TRAPPC12: variants seen among roughly 807,000 people sequenced by gnomAD.
TRAPPC12 encodes the protein trafficking protein particle complex subunit 12, also known as TPR repeat protein 15.
Under a neutral mutation model 69.2 loss-of-function variants are expected in TRAPPC12, and 61 were observed. The ratio of observed to expected loss-of-function variants is 0.88; its 90% CI spans 0.72 to 1.09. The LOEUF (loss-of-function observed/expected upper bound fraction) is 1.09. Among genes scored for constraint, TRAPPC12 ranks in the 50% least tolerant of loss-of-function variants. The pLI, the probability that TRAPPC12 is intolerant of heterozygous loss-of-function variation, is 0.00. For missense variants in TRAPPC12, 1,101 were observed against 1,016.4 expected (o/e 1.08, Z -1.13); for synonymous variants, 469 against 438.9 (o/e 1.07, Z -0.86).
At chr2:3,443,938 C>A in intron 6 of TRAPPC12, 47 bp downstream of exon 6, 2 of 1,400,016 alleles carry the variant, frequency 1.4e-6, no homozygotes, top group East Asian at 2.3e-5. Context: ...AACATGCCCT[C>A]CACGCCCTCC....
intron 1 of TRAPPC12, among the ~76,000 whole-genome samples, chr2:3,380,477 G>A (rs1232920852): frequency 6.6e-6 from 1 of 152,184 alleles, no homozygotes; most frequent in African/African-American, 2.4e-5. Flanking sequence ...GTGTTTTAAC[G>A]TGTCATTTTT....
rs748145788 is a variant in TRAPPC12 at position 3,388,044 on chromosome 2, G to T, written c.421G>T (p.Gly141Cys). The stretch of plus-strand genomic sequence containing the variant: ...GCAGGACGCGGCCCGCGAGGTCCCA[G>T]GCAGCGAAGCCGCGCGCCCGGAGCA... ...PRQDAAREVP[G>C]SEAARPEQEP... The change falls in exon 2 of 12, where the codon GGC (glycine) becomes TGC (cysteine). Residue 141 changes from glycine to cysteine, a missense_variant. Gly to Cys is a radical substitution (Grantham distance 159, BLOSUM62 -3). Transcript: ENST00000324266. 1.3e-6 allele frequency: 2 copies of T among 1,499,606 alleles called. No homozygotes were observed. The highest frequency in any genetic ancestry group is 1.8e-6 in the Non-Finnish European group (2 of 1,129,894). 92.9% of individuals were successfully genotyped at this position (1,499,606 alleles called of 1,614,324 possible).
At chr2:3,407,137 TGTCACAGCCTGGGAGAAGGAC>T (rs1183453966) in intron 3 of TRAPPC12, among the ~76,000 whole-genome samples, 1 of 152,250 alleles carries the variant, frequency 6.6e-6, no homozygotes. Flanking sequence ...GGGAAATGGA[TGTCACAGCCTGGGAGAAGGAC>T]GTGTTAATCA....
At chr2:3,464,355 G>GA (rs952067924) in intron 8 of TRAPPC12, among the ~76,000 whole-genome samples, 2 of 151,898 alleles carry the variant, frequency 1.3e-5, no homozygotes, top group Admixed American at 1.3e-4. Context: ...CTAGACTGGA[G>GA]AGAGTCGTTT....
At chr2:3,388,784 A>G (rs2103432966) in intron 2 of TRAPPC12, 114 bp downstream of exon 2, 1 of 1,094,034 alleles carries the variant, frequency 9.1e-7, no homozygotes, top group Non-Finnish European at 1.3e-6. Flanking sequence ...AGTAATTCCT[A>G]ACATCCCATT....
chr2:3,462,631 A>C (rs906151543), intron 8 of TRAPPC12, among the ~76,000 whole-genome samples: 4 of 152,270 alleles, frequency 2.6e-5, no homozygotes, highest in African/African-American at 9.6e-5. Flanking sequence ...GCCCTGGATA[A>C]ATCTGCATGA....
At chr2:3,439,362 T>C (rs1377264809) in intron 5 of TRAPPC12, among the ~76,000 whole-genome samples, 1 of 152,182 alleles carries the variant, frequency 6.6e-6, no homozygotes, top group Non-Finnish European at 1.5e-5. Flanking sequence ...GGTGCAGTTA[T>C]GGCCCACTGC....
chr2:3,453,925 C>A (rs187793069), intron 6 of TRAPPC12, among the ~76,000 whole-genome samples: 1 of 152,320 alleles, frequency 6.6e-6, no homozygotes, highest in Non-Finnish European at 1.5e-5. Context: ...TAAAAGCTAC[C>A]AACTGTGAAC....
chr2:3,442,047 A>C (rs545684969), intron 5 of TRAPPC12, among the ~76,000 whole-genome samples: 1 of 152,116 alleles, frequency 6.6e-6, no homozygotes, highest in Non-Finnish European at 1.5e-5. Flanking sequence ...CCATCCACCA[A>C]ACTGTATTCC....
At chr2:3,407,640 A>G (rs1661802175) in intron 3 of TRAPPC12, among the ~76,000 whole-genome samples, 1 of 152,008 alleles carries the variant, frequency 6.6e-6, no homozygotes, top group African/African-American at 2.4e-5. Context: ...ATCTCTACTA[A>G]AAATACAAAA....
chr2:3,385,248 T>C (rs1016841091), intron 1 of TRAPPC12, among the ~76,000 whole-genome samples: 1 of 152,224 alleles, frequency 6.6e-6, no homozygotes, highest in Non-Finnish European at 1.5e-5. Flanking sequence ...ATCTAGATTT[T>C]ATTTGTGTGA....
chr2:3,425,023 C>A (rs1481014798), intron 5 of TRAPPC12, among the ~76,000 whole-genome samples: 1 of 152,258 alleles, frequency 6.6e-6, no homozygotes, highest in Admixed American at 6.5e-5. Context: ...AGCGGTGGAA[C>A]CAAACGTGTC....
intron 3 of TRAPPC12, 92 bp downstream of exon 3, chr2:3,401,985 A>G: frequency 1.1e-6 from 1 of 909,148 alleles, no homozygotes; most frequent in Non-Finnish European, 1.6e-6. Context: ...TATTTTGAAT[A>G]TTATTCAAAG....
intron 3 of TRAPPC12, among the ~76,000 whole-genome samples, chr2:3,407,231 G>C (rs1661780304): frequency 6.6e-6 from 1 of 152,156 alleles, no homozygotes; most frequent in African/African-American, 2.4e-5. Flanking sequence ...GAAAAGTTAT[G>C]TACATGCCAT....
chr2:3,409,298 T>C (rs192882533), intron 3 of TRAPPC12, among the ~76,000 whole-genome samples: 56 of 152,350 alleles, frequency 3.7e-4, no homozygotes, highest in African/African-American at 1.3e-3. Flanking sequence ...TGCCTAGAAA[T>C]GTTTTTGAAA....
At chr2:3,408,975 C>G (rs1661884954) in intron 3 of TRAPPC12, among the ~76,000 whole-genome samples, 2 of 152,218 alleles carry the variant, frequency 1.3e-5, no homozygotes. Flanking sequence ...CGGCACAGAG[C>G]TATGTGCACC....
chr2:3,395,732 T>C (rs1661094511), intron 2 of TRAPPC12, among the ~76,000 whole-genome samples: 1 of 150,408 alleles, frequency 6.6e-6, no homozygotes, highest in African/African-American at 2.4e-5. Flanking sequence ...CCAGCTAATT[T>C]TTTTTTTTTT....
At chr2:3,475,835 A>C (rs759697566) in intron 9 of TRAPPC12, among the ~76,000 whole-genome samples, 33 of 152,350 alleles carry the variant, frequency 2.2e-4, no homozygotes, top group South Asian at 4.1e-4. Flanking sequence ...TAGCGACAGC[A>C]TCTGCATCCC....
intron 9 of TRAPPC12, among the ~76,000 whole-genome samples, chr2:3,473,188 G>C (rs536534049): frequency 9.1e-4 from 139 of 152,282 alleles, no homozygotes; most frequent in South Asian, 1.9e-3. Flanking sequence ...GCAGGTGAGG[G>C]GGGGTCAGGG....
Sources: gnomAD v4.1 joint callset for allele counts (sites outside exome capture counted in the v4.1 genomes callset) on GRCh38, gnomAD v4.1.1 for gene constraint, MANE v1.5 for transcripts, NCBI Gene and HGNC (gene_info 2026-07-23, HGNC 2026-07-21) for gene names.